SRRM1: variants seen among roughly 807,000 people sequenced by gnomAD.
The protein encoded by SRRM1 is serine/arginine repetitive matrix protein 1.
SRRM1 carries 19 observed loss-of-function variants against 110.2 expected under a neutral mutation model. The ratio of observed to expected loss-of-function variants is 0.17; its 90% CI spans 0.12 to 0.25. The LOEUF (loss-of-function observed/expected upper bound fraction) is 0.25, where lower values mean the gene tolerates loss of function less well. Among genes scored for constraint, SRRM1 ranks in the 10% least tolerant of loss-of-function variants. SRRM1 has a pLI of 1.00. For missense variants in SRRM1, 918 were observed against 1,145.8 expected, an observed-to-expected ratio of 0.80 and a Z score of 2.87; for synonymous variants, 443 against 414.9, an observed-to-expected ratio of 1.07 and a Z score of -0.82.
intron 3 of SRRM1, chr1:24,647,513 A>T (rs1453841171): frequency 2.0e-5 from 3 of 152,518 alleles, no homozygotes; most frequent in African/African-American, 7.2e-5. Context: ...TGATGATATA[A>T]CTGATGTTTA....
chr1:24,666,107 C>G (rs1012746871), intron 12 of SRRM1, among the ~76,000 whole-genome samples: 13 of 152,164 alleles, frequency 8.5e-5, no homozygotes, highest in Admixed American at 7.2e-4. Flanking sequence ...TAGCCCAGAC[C>G]TGGTAGGCAT....
chr1:24,659,803 CTA>C lies in SRRM1; in HGVS notation c.1316-914_1316-913del, dbSNP rs573874792. ...CTTACAAAAGGTAGTTACCATATTTCTATGTTATTGGTAAAAGACAATTGGAT... is the reference window on the plus strand; with the variant it reads ...CTTACAAAAGGTAGTTACCATATTTCTGTTATTGGTAAAAGACAATTGGAT... On this transcript the variant is annotated intron_variant, in intron 9 of 16. Coordinates refer to ENST00000323848, the MANE Select transcript of SRRM1 (RefSeq NM_005839.4). Among the ~76,000 whole-genome samples the C allele has an allele frequency of 4.3e-3, 661 of 152,278 alleles. 6 individuals carry two copies. Among genetic ancestry groups the C allele is most frequent in the African/African-American group, 0.015 (626 of 41,558 alleles).
intron 2 of SRRM1, among the ~76,000 whole-genome samples, chr1:24,646,328 C>T (rs1212958980): frequency 6.6e-6 from 1 of 152,064 alleles, no homozygotes; most frequent in East Asian, 1.9e-4. Context: ...GAGATTGAGA[C>T]CATCCTGGCT....
At chr1:24,656,636 ATATT>A (rs1440700566) in intron 9 of SRRM1, among the ~76,000 whole-genome samples, 1 of 152,192 alleles carries the variant, frequency 6.6e-6, no homozygotes, top group Non-Finnish European at 1.5e-5. Flanking sequence ...GTACTTCTGA[ATATT>A]TATTCTTTGT....
chr1:24,658,357 C>T (rs1294770246), intron 9 of SRRM1, among the ~76,000 whole-genome samples: 10 of 152,044 alleles, frequency 6.6e-5, no homozygotes. Context: ...ATTACAGGCA[C>T]ATGCCACCAC....
At chr1:24,666,609 T>TA (rs1670111736) in intron 12 of SRRM1, 1 of 454,528 alleles carries the variant, frequency 2.2e-6, no homozygotes, top group Non-Finnish European at 4.1e-6. Flanking sequence ...AAAAATATTT[T>TA]AAAAAATTAG....
intron 15 of SRRM1, among the ~76,000 whole-genome samples, chr1:24,670,891 G>C (rs1453239237): frequency 6.6e-6 from 1 of 152,130 alleles, no homozygotes; most frequent in Non-Finnish European, 1.5e-5. Context: ...CATAAATTTG[G>C]TATGTGTGTC....
chr1:24,668,478 G>A (rs564784254), intron 13 of SRRM1, among the ~76,000 whole-genome samples: 2 of 152,318 alleles, frequency 1.3e-5, no homozygotes, highest in South Asian at 4.1e-4. Flanking sequence ...ATGGCCTATT[G>A]TAAAGCTAAC....
At chr1:24,671,721 G>T in intron 16 of SRRM1, 126 bp downstream of exon 16, 7 of 757,046 alleles carry the variant, frequency 9.2e-6, no homozygotes, top group Non-Finnish European at 1.5e-5. Context: ...TAAAAGTCAC[G>T]TACCATACAG....
chr1:24,648,802 TGTTG>T (rs1484630172), intron 3 of SRRM1, 53 bp from the exon 4 acceptor site: 5 of 1,528,044 alleles, frequency 3.3e-6, no homozygotes, highest in African/African-American at 2.8e-5. Context: ...TTGGTTGATT[TGTTG>T]GTTGGTTGGT....
intron 9 of SRRM1, among the ~76,000 whole-genome samples, chr1:24,657,808 T>C (rs547439821): frequency 3.3e-5 from 5 of 152,360 alleles, no homozygotes; most frequent in South Asian, 4.1e-4. Context: ...ACATGATCAA[T>C]ACTGGTGGTG....
At chr1:24,656,875 A>G (rs945176044) in intron 9 of SRRM1, among the ~76,000 whole-genome samples, 2 of 152,254 alleles carry the variant, frequency 1.3e-5, no homozygotes, top group Non-Finnish European at 2.9e-5. Context: ...GTTTTGGCAT[A>G]TACTTTTTGC....
Position 24,671,460 on chromosome 1 carries a change from C to T in SRRM1, c.2475C>T (p.His825=). 6.2e-7 allele frequency: 1 copy of T among 1,613,112 alleles called. No individual in the cohort carries two copies. The highest frequency in any genetic ancestry group is 1.3e-5 in the African/African-American group (1 of 74,860). Residue 825 remains histidine (H), a synonymous_variant, in exon 16 of 17, where the codon CAC becomes CAT. Transcript: ENST00000323848. ...AGAAACACAAAAAGGATAAGAAGCA[C>T]AAGAAGCACAAAAAACACAAGAAGG... ...KDKKHKKDKK[H]KKHKKHKKEK... is the part of the protein sequence containing the mutation.
At chr1:24,662,551 A>G (rs1667811977) in intron 11 of SRRM1, 109 bp from the exon 12 acceptor site, 3 of 993,030 alleles carry the variant, frequency 3.0e-6, no homozygotes, top group Admixed American at 4.7e-5. Flanking sequence ...GATGGCCTGT[A>G]TACATGCTTG....
chr1:24,647,511 T>C (rs1253552065), intron 3 of SRRM1: 2 of 152,532 alleles, frequency 1.3e-5, no homozygotes, highest in Non-Finnish European at 2.9e-5. Flanking sequence ...TATGATGATA[T>C]AACTGATGTT....
chr1:24,670,420 T>C, intron 15 of SRRM1, 105 bp downstream of exon 15: 1 of 1,218,230 alleles, frequency 8.2e-7, no homozygotes, highest in South Asian at 1.6e-5. Flanking sequence ...GTTTAAACTT[T>C]TTTTCCCATT....
rs376748338 is a variant in SRRM1 at position 24,662,832 on chromosome 1, C to T, written c.1628+28C>T. On this transcript the variant is annotated intron_variant, in intron 12 of 16. Transcript: ENST00000323848. ...AACATCTTTGCTTCAGTGATGTTCA[C>T]TGATGTTCTGTAATTGTGATGAAAT... 1.6e-4 allele frequency: 254 copies of T among 1,609,944 alleles called. No homozygotes were observed. The South Asian group carries it at 2.7e-3, about 17-fold the overall frequency.
chr1:24,649,691 TTTTTTA>T (rs1388037606), intron 4 of SRRM1, among the ~76,000 whole-genome samples: 8 of 152,166 alleles, frequency 5.3e-5, no homozygotes, highest in Non-Finnish European at 7.3e-5. Flanking sequence ...TTTTATTTTA[TTTTTTA>T]TTTTTATTTT....
At position 24,660,800 on chromosome 1, in the gene SRRM1, G is replaced by A; in HGVS notation, c.1396+1G>A. On this transcript the variant is annotated splice_donor_variant, in intron 10 of 16. Coordinates refer to ENST00000323848, the MANE Select transcript of SRRM1 (RefSeq NM_005839.4). LOFTEE classifies it high-confidence loss of function. ...AGAAAAGTAGAGTTATCTGAATCGGGTAAGTTTGTTGTTTTTTTTTGTGAT... is the reference window on the plus strand; with the variant it reads ...AGAAAAGTAGAGTTATCTGAATCGGATAAGTTTGTTGTTTTTTTTTGTGAT... 1 of 1,578,560 alleles carries A rather than the reference G, an allele frequency of 6.3e-7. No homozygotes were observed. The highest frequency in any genetic ancestry group is 8.6e-7 in the Non-Finnish European group (1 of 1,165,434).
Sources: allele counts gnomAD v4.1 joint callset (sites outside exome capture counted in the v4.1 genomes callset), GRCh38; gene constraint gnomAD v4.1.1; transcripts MANE v1.5; gene names NCBI Gene and HGNC (gene_info 2026-07-23, HGNC 2026-07-21).